The following CADM1 variants were observed in gnomAD, a reference collection of about 807,000 sequenced individuals.
CADM1 encodes the protein TSLC-1.
A neutral mutation model predicts 53.1 loss-of-function variants in CADM1; 15 were observed. The ratio of observed to expected loss-of-function variants is 0.28; its 90% CI spans 0.19 to 0.44. The LOEUF (loss-of-function observed/expected upper bound fraction) is 0.44, where lower values mean the gene tolerates loss of function less well. Among genes scored for constraint, CADM1 ranks in the 20% least tolerant of loss-of-function variants. The probability of loss-of-function intolerance (pLI) is 1.00; values close to 1 mark genes in which losing one functional copy is unlikely to be tolerated. For missense variants in CADM1, 434 were observed against 611.3 expected (o/e 0.71, Z 3.06); for synonymous variants, 281 against 243.0 (o/e 1.16, Z -1.45).
At chr11:115,214,529 A>G (rs1019995294) in intron 7 of CADM1, 79 bp downstream of exon 7, 32 of 1,436,910 alleles carry the variant, frequency 2.2e-5, no homozygotes, top group Admixed American at 2.2e-4. Context: ...CAACTTGACC[A>G]AAAGCTTTGA....
At chr11:115,274,870 C>T (rs940445242) in intron 1 of CADM1, among the ~76,000 whole-genome samples, 1 of 152,122 alleles carries the variant, frequency 6.6e-6, no homozygotes, top group African/African-American at 2.4e-5. Context: ...ACCATAAGCG[C>T]TCTCCTTTTG....
At chr11:115,433,586 C>T (rs1948110532) in intron 1 of CADM1, among the ~76,000 whole-genome samples, 1 of 152,208 alleles carries the variant, frequency 6.6e-6, no homozygotes, top group Admixed American at 6.5e-5. Context: ...AGCAAACGCA[C>T]ATGTTTTGAG....
chr11:115,286,060 A>G (rs1340804640), intron 1 of CADM1, among the ~76,000 whole-genome samples: 1 of 152,222 alleles, frequency 6.6e-6, no homozygotes, highest in East Asian at 1.9e-4. Flanking sequence ...AGCATAAGTA[A>G]CAAGAGACAT....
At chr11:115,224,289 G>GA (rs71969260) in intron 5 of CADM1, among the ~76,000 whole-genome samples, 103 of 147,174 alleles carry the variant, frequency 7.0e-4, no homozygotes, top group Middle Eastern at 7.0e-3. Context: ...GGGAATGAAA[G>GA]AAAAAAAAAA....
intron 1 of CADM1, among the ~76,000 whole-genome samples, chr11:115,497,962 TGAGA>T (rs1161878834): frequency 3.4e-5 from 5 of 146,872 alleles, no homozygotes; most frequent in Non-Finnish European, 7.4e-5. Flanking sequence ...ATGAAATTTT[TGAGA>T]AAGAGCCTCA....
chr11:115,485,760 G>A (rs895670866), intron 1 of CADM1, among the ~76,000 whole-genome samples: 13 of 152,162 alleles, frequency 8.5e-5, no homozygotes, highest in African/African-American at 7.2e-5. Context: ...ACCCAGTTTC[G>A]GGTATGTCTT....
intron 1 of CADM1, among the ~76,000 whole-genome samples, chr11:115,302,774 G>A (rs377122793): frequency 2.6e-5 from 4 of 152,038 alleles, no homozygotes; most frequent in Non-Finnish European, 5.9e-5. Context: ...TCAATGAAGG[G>A]AGATGGAGTG....
chr11:115,467,722 T>C (rs1377140001), intron 1 of CADM1, among the ~76,000 whole-genome samples: 2 of 152,110 alleles, frequency 1.3e-5, no homozygotes, highest in Non-Finnish European at 2.9e-5. Flanking sequence ...AGAAAAGAAA[T>C]CTACAATACT....
At chr11:115,231,282 C>G in intron 4 of CADM1, 71 bp downstream of exon 4, 1 of 1,529,326 alleles carries the variant, frequency 6.5e-7, no homozygotes, top group Non-Finnish European at 9.1e-7. Context: ...TTGTATTTCT[C>G]CATGATTTTC....
At chr11:115,441,495 T>C (rs1041467190) in intron 1 of CADM1, among the ~76,000 whole-genome samples, 8 of 152,312 alleles carry the variant, frequency 5.3e-5, no homozygotes, top group Non-Finnish European at 1.2e-4. Context: ...AAGATTAAGC[T>C]CACTGCTTGG....
intron 1 of CADM1, among the ~76,000 whole-genome samples, chr11:115,365,775 T>A (rs968527141): frequency 5.9e-5 from 9 of 152,024 alleles, no homozygotes; most frequent in Non-Finnish European, 1.3e-4. Flanking sequence ...CCCAAATATA[T>A]AAACATTTTC....
chr11:115,360,267 C>A (rs1170006709), intron 1 of CADM1, among the ~76,000 whole-genome samples: 1 of 152,164 alleles, frequency 6.6e-6, no homozygotes, highest in Non-Finnish European at 1.5e-5. Flanking sequence ...CTTTTGCTGA[C>A]TTTGTTGGCT....
At chr11:115,299,537 G>A (rs7104113) in intron 1 of CADM1, among the ~76,000 whole-genome samples, 83,292 of 151,976 alleles carry the variant, frequency 0.55, 25,642 homozygotes, top group East Asian at 0.87. Context: ...ACGCATCATG[G>A]TGGAAAGATG....
intron 11 of CADM1, 75 bp from the exon 12 acceptor site, chr11:115,176,667 C>G: frequency 1.6e-6 from 2 of 1,216,698 alleles, no homozygotes; most frequent in Non-Finnish European, 2.4e-6. Flanking sequence ...TGGCAACTTG[C>G]TTTATGGCCA....
At chr11:115,252,359 C>G (rs1942632749) in intron 1 of CADM1, among the ~76,000 whole-genome samples, 1 of 152,202 alleles carries the variant, frequency 6.6e-6, no homozygotes, top group African/African-American at 2.4e-5. Flanking sequence ...TCTATGCACT[C>G]TCTGTCTATT....
intron 3 of CADM1, among the ~76,000 whole-genome samples, chr11:115,234,783 C>G (rs917935494): frequency 6.7e-6 from 1 of 149,978 alleles, no homozygotes; most frequent in Non-Finnish European, 1.5e-5. Context: ...GTTCCAGCTA[C>G]TCAGCAGGCT....
chr11:115,216,061 T>G (rs1364258666), intron 6 of CADM1, among the ~76,000 whole-genome samples: 8 of 152,272 alleles, frequency 5.3e-5, no homozygotes, highest in Non-Finnish European at 8.8e-5. Flanking sequence ...TGGGCCTGCC[T>G]GGCAATCAGA....
chr11:115,222,838 C>T (rs950127023), intron 5 of CADM1, among the ~76,000 whole-genome samples: 1 of 152,178 alleles, frequency 6.6e-6, no homozygotes. Flanking sequence ...GGGGTACATA[C>T]TCACAGAATA....
intron 10 of CADM1, among the ~76,000 whole-genome samples, chr11:115,181,403 C>T (rs1156502720): frequency 6.6e-6 from 1 of 152,110 alleles, no homozygotes; most frequent in Non-Finnish European, 1.5e-5. Flanking sequence ...GTTATCTTCC[C>T]CACCCTCAAG....
Sources: allele counts gnomAD v4.1 joint callset (sites outside exome capture counted in the v4.1 genomes callset), GRCh38; gene constraint gnomAD v4.1.1; transcripts MANE v1.5; gene names NCBI Gene and HGNC (gene_info 2026-07-23, HGNC 2026-07-21).